CAPRIN1: variants seen among roughly 807,000 people sequenced by gnomAD.
The protein encoded by CAPRIN1 is caprin-1.
In CAPRIN1, 29 loss-of-function variants were observed where a neutral mutation model predicts 100.9. The observed-to-expected ratio is 0.29, with a 90% CI of 0.21 to 0.39. CAPRIN1 has a LOEUF of 0.39. Among genes scored for constraint, CAPRIN1 ranks in the 10% least tolerant of loss-of-function variants. CAPRIN1 has a pLI of 1.00. For synonymous variants in CAPRIN1, 338 were observed against 307.5 expected (o/e 1.10, Z -1.04); for missense variants, 795 against 876.7 (o/e 0.91, Z 1.18).
intron 2 of CAPRIN1, among the ~76,000 whole-genome samples, chr11:34,070,383 G>GA (rs987428541): frequency 1.1e-4 from 17 of 151,936 alleles, no homozygotes; most frequent in African/African-American, 3.4e-4. Context: ...AGTTTATTCA[G>GA]AAAAAAAATA....
intron 2 of CAPRIN1, among the ~76,000 whole-genome samples, chr11:34,067,367 C>G (rs1246589497): frequency 6.6e-6 from 1 of 152,152 alleles, no homozygotes; most frequent in African/African-American, 2.4e-5. Context: ...TATTTCCTTA[C>G]AGTAAACTCA....
At chr11:34,074,016 C>G (rs184635948) in intron 4 of CAPRIN1, among the ~76,000 whole-genome samples, 80 of 152,218 alleles carry the variant, frequency 5.3e-4, no homozygotes, top group African/African-American at 1.8e-3. Context: ...CCTGCAAGCT[C>G]TTTTTATAGT....
intron 11 of CAPRIN1, among the ~76,000 whole-genome samples, chr11:34,087,837 C>T (rs1456249638): frequency 2.6e-5 from 4 of 152,082 alleles, no homozygotes; most frequent in Non-Finnish European, 5.9e-5. Flanking sequence ...ATGCTGAGTC[C>T]ATTAGACTCT....
chr11:34,073,180 A>G (rs572674405), intron 4 of CAPRIN1, among the ~76,000 whole-genome samples: 43 of 152,264 alleles, frequency 2.8e-4, no homozygotes, highest in Admixed American at 7.2e-4. Context: ...GGATTAAGAG[A>G]TCAGATTCTA....
chr11:34,084,611 A>G (rs1590739588), intron 9 of CAPRIN1, among the ~76,000 whole-genome samples: 1 of 152,116 alleles, frequency 6.6e-6, no homozygotes, highest in East Asian at 1.9e-4. Context: ...TCACATCTCA[A>G]GAGTACTGGA....
At chr11:34,081,928 C>T (rs1400611416) in intron 7 of CAPRIN1, among the ~76,000 whole-genome samples, 1 of 152,276 alleles carries the variant, frequency 6.6e-6, no homozygotes, top group East Asian at 1.9e-4. Flanking sequence ...TCTCATGCCT[C>T]AGCCTTCCCA....
intron 7 of CAPRIN1, 140 bp downstream of exon 7, chr11:34,079,905 GTTTTTTTT>G (rs377455073): frequency 1.5e-4 from 49 of 331,930 alleles, no homozygotes; most frequent in African/African-American, 6.0e-4. Flanking sequence ...GCATGACAAA[GTTTTTTTT>G]TTTTTTTTTT....
intron 6 of CAPRIN1, among the ~76,000 whole-genome samples, chr11:34,077,488 C>G (rs1300828686): frequency 3.9e-5 from 6 of 152,178 alleles, no homozygotes; most frequent in Non-Finnish European, 7.4e-5. Context: ...TCCTTATTCT[C>G]AAACATGCAA....
rs940129993 is a variant in CAPRIN1, at chr11:34,053,260, C to T, written c.216+624C>T. 1.7e-5 allele frequency: 9 copies of T among 528,554 alleles called. No homozygotes were observed. The South Asian group carries it at 5.7e-4, about 33-fold the overall frequency. The allele number at this position is 528,554 out of a possible 1,614,324, so 32.7% of individuals were successfully genotyped here. A position where few individuals can be genotyped will look rare whatever the true frequency, so the allele number is the denominator to read the frequency against. On this transcript the variant is annotated intron_variant, in intron 2 of 18. Transcript: ENST00000341394. ...TACCCCCGCGCCCATGCGATGGGCT[C>T]CCCTGCGTTTCCCTCTTTGTTTCAA... is the stretch of plus-strand genomic sequence containing the variant.
chr11:34,095,499 C>T (rs532974130), intron 15 of CAPRIN1, among the ~76,000 whole-genome samples: 1 of 152,288 alleles, frequency 6.6e-6, no homozygotes, highest in East Asian at 1.9e-4. Context: ...AGGATTCTAA[C>T]AACTATTAAT....
chr11:34,062,351 C>A (rs984582256), intron 2 of CAPRIN1, among the ~76,000 whole-genome samples: 1 of 152,064 alleles, frequency 6.6e-6, no homozygotes, highest in Non-Finnish European at 1.5e-5. Flanking sequence ...TTGGACCGGG[C>A]GCGGTGGCTC....
In CAPRIN1 at chr11:34,102,278, A is replaced by G. The variant is rs1196564234; in HGVS notation, c.*2911A>G. Among the ~76,000 whole-genome samples the G allele has an allele frequency of 1.3e-5, 2 of 152,182 alleles. No homozygotes were observed. The highest frequency in any genetic ancestry group is 2.4e-5 in the African/African-American group (1 of 41,454). On this transcript the variant is annotated 3_prime_UTR_variant, in exon 19 of 19. Coordinates refer to ENST00000341394, the MANE Select transcript of CAPRIN1 (RefSeq NM_005898.5). Reference sequence around the variant, plus strand: ...AAGTGTTTTAGGACATTTGTTCATTATATTTTCCGTCATATAACTAGAGGA... The same window carrying G: ...AAGTGTTTTAGGACATTTGTTCATTGTATTTTCCGTCATATAACTAGAGGA...
Position 34,096,629 on chromosome 11 carries a change from G to A in CAPRIN1, c.1856G>A (p.Arg619Lys), listed in dbSNP as rs1226193329. The A allele has an allele frequency of 1.9e-6, 3 of 1,610,600 alleles. No homozygotes were observed. In the African/African-American group the frequency reaches 4.0e-5, roughly 22 times the overall value. The change falls in exon 16 of 19, where the codon AGA (arginine) becomes AAA (lysine). Residue 619 changes from arginine (R) to lysine (K), a missense_variant. Physicochemically the swap from Arg to Lys is conservative, Grantham distance 26. Around this residue, in one of 3 missense-constraint regions of CAPRIN1, gnomAD observed 648 missense variants for 697.9 expected, o/e 0.93. Coordinates refer to ENST00000341394, the MANE Select transcript of CAPRIN1 (RefSeq NM_005898.5). ...TCTCGTGGAGGCTCCCGTGGTGCTA[G>A]AGGCTTGATGAATGGATACCGGGGC... ...GVSRGGSRGA[R>K]GLMNGYRGPA...
In CAPRIN1 at chr11:34,079,628, A is replaced by G. The variant is rs1850971888; in HGVS notation, c.689A>G (p.Tyr230Cys). The change falls in exon 7 of 19, where the codon TAT (tyrosine) becomes TGT (cysteine). Residue 230 changes from tyrosine (Y) to cysteine (C), a missense_variant and splice_region_variant. Tyr to Cys is a radical substitution (Grantham distance 194). Coordinates refer to ENST00000341394, the MANE Select transcript of CAPRIN1 (RefSeq NM_005898.5). ...TTATAATTCATGTTCTTTTTCTTAGATAAAGTTCTAAAGGAAATTGTTGAG... is the reference window on the plus strand; with the variant it reads ...TTATAATTCATGTTCTTTTTCTTAGGTAAAGTTCTAAAGGAAATTGTTGAG... ...GKEKPVCGTTYKVLKEIVERV... is the reference protein window; with the variant it reads ...GKEKPVCGTTCKVLKEIVERV... The G allele has an allele frequency of 1.2e-6, 2 of 1,612,802 alleles. No homozygotes were observed. The highest frequency in any genetic ancestry group is 8.5e-7 in the Non-Finnish European group (1 of 1,179,120).
intron 2 of CAPRIN1, among the ~76,000 whole-genome samples, chr11:34,056,279 T>C (rs978916746): frequency 2.0e-5 from 3 of 151,488 alleles, no homozygotes; most frequent in Admixed American, 6.6e-5. Flanking sequence ...AAAATGACTA[T>C]GGATATGTAG....
intron 11 of CAPRIN1, among the ~76,000 whole-genome samples, chr11:34,087,622 C>G (rs901519408): frequency 8.1e-6 from 1 of 122,708 alleles, no homozygotes; most frequent in Non-Finnish European, 1.8e-5. Flanking sequence ...CGTGAGCCAC[C>G]GCGCCCGGCT....
intron 15 of CAPRIN1, among the ~76,000 whole-genome samples, chr11:34,095,060 T>TTTG (rs527773023): frequency 2.6e-4 from 39 of 151,832 alleles, no homozygotes; most frequent in South Asian, 1.0e-3. Context: ...TTTTTTGTAT[T>TTTG]TTGTTGTTGT....
chr11:34,076,758 A>G lies in CAPRIN1; in HGVS notation c.688+116A>G, dbSNP rs931823685. On this transcript the variant is annotated intron_variant, in intron 6 of 18. Transcript: ENST00000341394. ...TTAGTTTTTTTTTTTTTTTGGAGACAGAGTCTACTCTGTTGCCCAGGTTGG... is the reference window on the plus strand; with the variant it reads ...TTAGTTTTTTTTTTTTTTTGGAGACGGAGTCTACTCTGTTGCCCAGGTTGG... The G allele has an allele frequency of 1.3e-5, 9 of 709,046 alleles. No homozygotes were observed. The Admixed American group carries it at 2.5e-4, about 19-fold the overall frequency. The allele number at this position is 709,046 out of a possible 1,614,324, so 43.9% of individuals were successfully genotyped here.
intron 4 of CAPRIN1, among the ~76,000 whole-genome samples, chr11:34,074,873 A>AAAAC (rs141161739): frequency 0.1 from 15,452 of 152,094 alleles, 848 homozygotes; most frequent in African/African-American, 0.15. Context: ...TCCATCTCAA[A>AAAAC]AAACAAACAA....
Sources: gnomAD v4.1 joint callset for allele counts (sites outside exome capture counted in the v4.1 genomes callset) on GRCh38, gnomAD v4.1.1 for gene constraint, gnomAD v4.1.1 regional missense constraint, MANE v1.5 for transcripts, NCBI Gene and HGNC (gene_info 2026-07-23, HGNC 2026-07-21) for gene names.